Variants in UPK1A observed in about 807,000 individuals in gnomAD.
UPK1A encodes the protein uroplakin 1A, also known as uroplakin-1a.
Under a neutral mutation model 32.3 loss-of-function variants are expected in UPK1A, and 31 were observed. The ratio of observed to expected loss-of-function variants is 0.96; its 90% CI spans 0.72 to 1.30. The LOEUF is 1.30. UPK1A is among the 50% of genes most tolerant of loss of function. The pLI, the probability that UPK1A is intolerant of heterozygous loss-of-function variation, is 0.00. For missense variants in UPK1A, 340 were observed against 357.4 expected, an observed-to-expected ratio of 0.95 and a Z score of 0.39; for synonymous variants, 135 against 137.1, an observed-to-expected ratio of 0.98 and a Z score of 0.11.
At position 35,666,870 on chromosome 19, in the gene UPK1A, CT is replaced by C. The variant is rs1468933037; in HGVS notation, c.59del (p.Leu20GlnfsTer22). 1 of 1,613,986 alleles carries C rather than the reference CT, an allele frequency of 6.2e-7. No individual in the cohort carries two copies. Among genetic ancestry groups the C allele is most frequent in the Non-Finnish European group, 8.5e-7 (1 of 1,179,966 alleles). On this transcript the variant is annotated frameshift_variant, in exon 2 of 8. Coordinates refer to ENST00000617999, the Ensembl canonical transcript of UPK1A. LOFTEE classifies it high-confidence loss of function. ...GGGATCTCCAGTTGTGGTGGGCCTGCTAGTTGTGGGCAATATCATTATTCTG... is the reference window on the plus strand; with the variant it reads ...GGGATCTCCAGTTGTGGTGGGCCTGCAGTTGTGGGCAATATCATTATTCTG...
exon 8 of UPK1A, chr19:35,678,223 C>G: frequency 1.7e-6 from 1 of 579,290 alleles, no homozygotes. Context: ...CTTGTGTGCA[C>G]ATATCCTTAG....
Position 35,672,283 on chromosome 19 carries a change from A to G in UPK1A, c.286-949A>G, listed in dbSNP as rs1694055600. On this transcript the variant is annotated intron_variant, in intron 3 of 7. Transcript: ENST00000617999. ...TATGTTGTTTGTTTTATTTTAAGAG[A>G]CAGGGTCTCACTCTGTTGCCCAGGC... Among the ~76,000 whole-genome samples, 3 of 152,334 alleles carry G rather than the reference A, an allele frequency of 2.0e-5. No homozygotes were observed. In the South Asian group the frequency reaches 6.2e-4, roughly 32 times the overall value.
chr19:35,673,667 CT>C, intron 5 of UPK1A, 122 bp downstream of exon 5: 1 of 823,842 alleles, frequency 1.2e-6, no homozygotes, highest in South Asian at 1.7e-5. Flanking sequence ...CATGAGATCT[CT>C]AGGAGAGCAG....
chr19:35,666,682 T>G (rs1046673409), intron 1 of UPK1A, 127 bp from the exon 2 acceptor site: 1 of 895,570 alleles, frequency 1.1e-6, no homozygotes, highest in African/African-American at 1.7e-5. Context: ...GGGCTGTGGG[T>G]ACATCAGTAC....
intron 3 of UPK1A, among the ~76,000 whole-genome samples, chr19:35,669,869 GT>G (rs1968059821): frequency 1.3e-5 from 2 of 152,146 alleles, no homozygotes; most frequent in Non-Finnish European, 2.9e-5. Context: ...ACAGCAGAGG[GT>G]TTTTCAGATT....
At chr19:35,674,488 C>T (rs1374963157) in intron 5 of UPK1A, among the ~76,000 whole-genome samples, 1 of 151,948 alleles carries the variant, frequency 6.6e-6, no homozygotes, top group African/African-American at 2.4e-5. Context: ...CCACCTGCCT[C>T]GGCCTCCCAA....
Position 35,669,782 on chromosome 19 carries a change from C to T in UPK1A, c.285+1128C>T, listed in dbSNP as rs570274172. Among the ~76,000 whole-genome samples, 289 of 152,318 alleles carry T rather than the reference C, an allele frequency of 1.9e-3. 1 individual carries two copies. Among genetic ancestry groups the T allele is most frequent in the Middle Eastern group, 3.4e-3 (1 of 294 alleles). On this transcript the variant is annotated intron_variant, in intron 3 of 7. Transcript: ENST00000617999. ...AACTGAGGCTCAAAGAGGCTAACAG[C>T]CTCTCCCAGGTGACCAGGAGAGCAG...
chr19:35,666,587 C>T, intron 1 of UPK1A, 49 bp downstream of exon 1: 1 of 554,866 alleles, frequency 1.8e-6, no homozygotes, highest in Non-Finnish European at 3.2e-6. Context: ...GGGTCTGAGG[C>T]TCAGGGAGGG....
intron 3 of UPK1A, among the ~76,000 whole-genome samples, chr19:35,670,081 G>T (rs1013183048): frequency 1.3e-5 from 2 of 152,210 alleles, no homozygotes; most frequent in Admixed American, 1.3e-4. Flanking sequence ...CACTGCCAGG[G>T]AAAGCAAAGA....
Position 35,673,501 on chromosome 19 carries a change from C to T in UPK1A, c.424C>T (p.Gln142Ter). The T allele has an allele frequency of 1.2e-6, 2 of 1,613,202 alleles. No homozygotes were observed. The highest frequency in any genetic ancestry group is 1.7e-6 in the Non-Finnish European group (2 of 1,179,964). Residue 142 changes from glutamine to a stop codon, truncating the protein, a stop_gained, in exon 5 of 8, where the codon CAG (glutamine) becomes TAG (stop). Transcript: ENST00000617999. LOFTEE classifies it high-confidence loss of function. ...GACCTTCTACAGCGCGGACACCGACCAGGGCCAGGAGCTGACCCGCCTCTG... is the reference window on the plus strand; with the variant it reads ...GACCTTCTACAGCGCGGACACCGACTAGGGCCAGGAGCTGACCCGCCTCTG...
exon 6 of UPK1A, chr19:35,675,925 C>T (rs745458744): frequency 1.2e-6 from 2 of 1,613,886 alleles, no homozygotes; most frequent in South Asian, 2.2e-5. Flanking sequence ...GTGGTGTTCC[C>T]CTGGCCCCCA....
At chr19:35,668,026 A>T (rs1968024347) in intron 2 of UPK1A, 1 of 253,684 alleles carries the variant, frequency 3.9e-6, no homozygotes, top group East Asian at 1.1e-4. Flanking sequence ...GGGCTCAAGC[A>T]ATCCTCCCGC....
At chr19:35,672,736 A>G (rs182531809) in intron 3 of UPK1A, among the ~76,000 whole-genome samples, 2 of 152,128 alleles carry the variant, frequency 1.3e-5, no homozygotes, top group Admixed American at 1.3e-4. Flanking sequence ...ACTATGCTTA[A>G]CTAATTTTTT....
At chr19:35,671,395 A>C (rs934558328) in intron 3 of UPK1A, among the ~76,000 whole-genome samples, 1 of 148,058 alleles carries the variant, frequency 6.8e-6, no homozygotes, top group Non-Finnish European at 1.5e-5. Flanking sequence ...TCAAAAAAAA[A>C]AAAAAATTGT....
intron 2 of UPK1A, among the ~76,000 whole-genome samples, 186 bp downstream of exon 2, chr19:35,667,082 C>T (rs1352131969): frequency 1.3e-5 from 2 of 152,164 alleles, no homozygotes; most frequent in African/African-American, 4.8e-5. Flanking sequence ...GACTGTCCCT[C>T]TCTGTGCCTT....
At chr19:35,672,988 T>C (rs1401273598) in intron 3 of UPK1A, among the ~76,000 whole-genome samples, 1 of 152,200 alleles carries the variant, frequency 6.6e-6, no homozygotes, top group Non-Finnish European at 1.5e-5. Flanking sequence ...GTGCTGGGAT[T>C]ATAGGCGTGA....
Position 35,676,028 on chromosome 19 carries a change from G to T in UPK1A, c.648+9G>T, listed in dbSNP as rs563275041. ...ACTACCTGTTCACCAAGGTGTGGCC[G>T]TCTGCCCTGCTCCATCTGTCTATCC... On this transcript the variant is annotated intron_variant, in intron 6 of 7. Transcript: ENST00000617999. The T allele has an allele frequency of 6.2e-7, 1 of 1,609,714 alleles. No homozygotes were observed. The highest frequency in any genetic ancestry group is 2.2e-5 in the East Asian group (1 of 44,762).
At chr19:35,678,121 A>G (rs572665742) in exon 8 of UPK1A, 80 of 1,383,254 alleles carry the variant, frequency 5.8e-5, no homozygotes, top group East Asian at 1.0e-4. Flanking sequence ...TCACCTCCCA[A>G]CGTCCCTAGC....
exon 4 of UPK1A, chr19:35,673,273 C>T (rs751172918): frequency 7.4e-6 from 12 of 1,613,996 alleles, no homozygotes; most frequent in African/African-American, 2.7e-5. Context: ...TCGAGTGCGC[C>T]TCCTGCATCA....
Sources: gnomAD v4.1 joint callset for allele counts (sites outside exome capture counted in the v4.1 genomes callset) on GRCh38, gnomAD v4.1.1 for gene constraint, MANE v1.5 for transcripts, NCBI Gene and HGNC (gene_info 2026-07-23, HGNC 2026-07-21) for gene names.